GALNTL6: variants seen among roughly 807,000 people sequenced by gnomAD.
GALNTL6 encodes polypeptide N-acetylgalactosaminyltransferase-like 6.
In GALNTL6, 46 loss-of-function variants were observed where a neutral mutation model predicts 73.7. The ratio of observed to expected loss-of-function variants is 0.62; its 90% CI spans 0.49 to 0.80. The LOEUF (loss-of-function observed/expected upper bound fraction) is 0.80. GALNTL6 is among the 30% of genes least tolerant of loss of function. The pLI, the probability that GALNTL6 is intolerant of heterozygous loss-of-function variation, is 0.00. For synonymous variants in GALNTL6, 259 were observed against 263.7 expected, an observed-to-expected ratio of 0.98 and a Z score of 0.17; for missense variants, 604 against 755.0, an observed-to-expected ratio of 0.80 and a Z score of 2.34.
intron 5 of GALNTL6, among the ~76,000 whole-genome samples, chr4:172,517,081 A>G (rs1321279368): frequency 6.6e-6 from 1 of 152,124 alleles, no homozygotes; most frequent in Non-Finnish European, 1.5e-5. Flanking sequence ...CAAGTTTTAC[A>G]AGATGGAAAT....
At chr4:171,825,964 G>A (rs1734814487) in intron 2 of GALNTL6, among the ~76,000 whole-genome samples, 1 of 152,076 alleles carries the variant, frequency 6.6e-6, no homozygotes, top group Non-Finnish European at 1.5e-5. Context: ...TGTAATGCTG[G>A]GACCTGTCAG....
chr4:172,722,869 A>G (rs796604876), intron 5 of GALNTL6, among the ~76,000 whole-genome samples: 5 of 152,316 alleles, frequency 3.3e-5, no homozygotes, highest in African/African-American at 7.2e-5. Context: ...TATTGCTGCC[A>G]TAACAAATTA....
rs186144092 is a variant in GALNTL6 at position 171,950,056 on chromosome 4, C to T, written c.138+135338C>T. 1.6e-3 allele frequency among the ~76,000 whole-genome samples: 250 copies of T among 152,176 alleles called. 1 individual carries two copies. The highest frequency in any genetic ancestry group is 3.2e-3 in the Non-Finnish European group (220 of 67,980). ...ACCAAAGATCTGAGAATAGCCCTGGCGAGAAAATAGGTATTCTTTGCAAAG... is the reference window on the plus strand; with the variant it reads ...ACCAAAGATCTGAGAATAGCCCTGGTGAGAAAATAGGTATTCTTTGCAAAG... On this transcript the variant is annotated intron_variant, in intron 2 of 12. Transcript: ENST00000506823.
chr4:171,984,733 A>G (rs1740014991), intron 2 of GALNTL6, among the ~76,000 whole-genome samples: 1 of 152,200 alleles, frequency 6.6e-6, no homozygotes, highest in African/African-American at 2.4e-5. Flanking sequence ...AGAAAAAATA[A>G]TTAAACTAGC....
chr4:172,655,596 T>G (rs1246536761), intron 5 of GALNTL6, among the ~76,000 whole-genome samples: 1 of 152,174 alleles, frequency 6.6e-6, no homozygotes, highest in Non-Finnish European at 1.5e-5. Context: ...CTAGGTGTCT[T>G]CCGCCCTGAA....
At chr4:172,302,840 AG>A (rs1739988853) in intron 3 of GALNTL6, among the ~76,000 whole-genome samples, 1 of 151,882 alleles carries the variant, frequency 6.6e-6, no homozygotes. Context: ...TATTCATTTA[AG>A]TTTGGCTGTT....
intron 2 of GALNTL6, among the ~76,000 whole-genome samples, chr4:172,096,207 A>T (rs1009759158): frequency 2.2e-4 from 34 of 151,922 alleles, no homozygotes; most frequent in African/African-American, 8.2e-4. Flanking sequence ...AGCCTCAAGT[A>T]ATCCTCCCAC....
At chr4:172,101,079 T>C (rs1732499729) in intron 2 of GALNTL6, among the ~76,000 whole-genome samples, 2 of 152,160 alleles carry the variant, frequency 1.3e-5, no homozygotes, top group Non-Finnish European at 2.9e-5. Context: ...TAACCCATCT[T>C]CCTGGATGAA....
intron 2 of GALNTL6, among the ~76,000 whole-genome samples, chr4:171,970,640 A>G (rs1364093623): frequency 6.6e-6 from 1 of 152,188 alleles, no homozygotes; most frequent in Non-Finnish European, 1.5e-5. Context: ...GTTTTGAGTG[A>G]GTTAATCAAG....
chr4:172,876,535 T>C (rs1745202333), intron 7 of GALNTL6, among the ~76,000 whole-genome samples: 1 of 152,192 alleles, frequency 6.6e-6, no homozygotes, highest in African/African-American at 2.4e-5. Flanking sequence ...CAATATACCC[T>C]GGGGTATGAG....
chr4:172,703,484 G>T (rs2111298628), intron 5 of GALNTL6, among the ~76,000 whole-genome samples: 1 of 152,004 alleles, frequency 6.6e-6, no homozygotes, highest in East Asian at 1.9e-4. Context: ...TGTTGATGTA[G>T]TGTATCATAG....
chr4:172,554,002 T>C (rs1251593783), intron 5 of GALNTL6, among the ~76,000 whole-genome samples: 1 of 152,114 alleles, frequency 6.6e-6, no homozygotes. Context: ...CACTCCAGCC[T>C]GGGCAACAAG....
At chr4:172,775,678 TTTTTG>T (rs1284596118) in intron 5 of GALNTL6, among the ~76,000 whole-genome samples, 2 of 152,190 alleles carry the variant, frequency 1.3e-5, no homozygotes, top group African/African-American at 4.8e-5. Flanking sequence ...TGTTTATGCC[TTTTTG>T]TTTTGTCTTC....
chr4:172,514,296 T>G (rs370102), intron 5 of GALNTL6, among the ~76,000 whole-genome samples: 149,574 of 152,240 alleles, frequency 0.98, 73,529 homozygotes, highest in Middle Eastern at 1. Flanking sequence ...TTCTCAGGCC[T>G]ATGGAGTTAT....
At chr4:172,957,356 T>C (rs1749799058) in intron 10 of GALNTL6, among the ~76,000 whole-genome samples, 1 of 152,220 alleles carries the variant, frequency 6.6e-6, no homozygotes, top group African/African-American at 2.4e-5. Context: ...CCTGTGTGGC[T>C]GGAAGGAGAT....
At chr4:172,046,893 T>C (rs1427534959) in intron 2 of GALNTL6, among the ~76,000 whole-genome samples, 2 of 152,154 alleles carry the variant, frequency 1.3e-5, no homozygotes, top group South Asian at 2.1e-4. Context: ...CTTTGTCTAT[T>C]TTTGCTTTTA....
At chr4:172,903,580 A>G (rs142513613) in intron 8 of GALNTL6, among the ~76,000 whole-genome samples, 2 of 152,256 alleles carry the variant, frequency 1.3e-5, no homozygotes, top group African/African-American at 2.4e-5. Flanking sequence ...ATAAATGTAC[A>G]TTTATTTTAT....
rs532315627 is a variant in GALNTL6, at chr4:172,528,894, C to T, written c.553+180205C>T. ...CACAAGGATCCTTCCTGTACATATT[C>T]TCTTATTCCTATTGTGCAGATGAGG... On this transcript the variant is annotated intron_variant, in intron 5 of 12. Transcript: ENST00000506823. Among the ~76,000 whole-genome samples, 3 of 141,746 alleles carry T rather than the reference C, an allele frequency of 2.1e-5. No individual in the cohort carries two copies. In the South Asian group the frequency reaches 6.8e-4, roughly 32 times the overall value. 93.0% of individuals were successfully genotyped at this position (141,746 alleles called of 152,430 possible).
chr4:171,966,504 C>A (rs1387697049), intron 2 of GALNTL6, among the ~76,000 whole-genome samples: 3 of 152,012 alleles, frequency 2.0e-5, no homozygotes, highest in African/African-American at 7.3e-5. Context: ...AAAGTGTGAT[C>A]CAGAGAGTCA....
Sources: allele counts gnomAD v4.1 joint callset (sites outside exome capture counted in the v4.1 genomes callset), GRCh38; gene constraint gnomAD v4.1.1; transcripts MANE v1.5; gene names NCBI Gene and HGNC (gene_info 2026-07-23, HGNC 2026-07-21).